Variants in KATNB1 observed in about 807,000 individuals in gnomAD.
KATNB1 encodes katanin regulatory subunit B1.
Under a neutral mutation model 82.3 loss-of-function variants are expected in KATNB1, and 38 were observed. That is an observed-to-expected ratio of 0.46 (90% CI 0.36 to 0.61). KATNB1 has a LOEUF of 0.61. Ranked by LOEUF, KATNB1 falls within the 20% of genes least tolerant of loss-of-function variation. The pLI is 0.00. For missense variants in KATNB1, 749 were observed against 915.7 expected, an observed-to-expected ratio of 0.82 and a Z score of 2.35; for synonymous variants, 361 against 368.7, an observed-to-expected ratio of 0.98 and a Z score of 0.24.
Position 57,751,352 on chromosome 16 carries a change from G to C in KATNB1, c.432+50G>C. On this transcript the variant is annotated intron_variant, in intron 6 of 19. Coordinates refer to ENST00000379661, the MANE Select transcript of KATNB1 (RefSeq NM_005886.3). This position sits in a 1 kb window ranked among gnomAD's most constrained non-coding sequence, Gnocchi z 6.3. ...TCCATGAGCACCTTGCGGGCATTGA[G>C]TGTGGTGTGGTGCCCAGACCCCAGC... 1 of 1,556,458 alleles carries C rather than the reference G, an allele frequency of 6.4e-7. No homozygotes were observed. Among genetic ancestry groups the C allele is most frequent in the East Asian group, 2.2e-5 (1 of 44,588 alleles).
At chr16:57,744,609 T>C in intron 4 of KATNB1, 98 bp downstream of exon 4, 3 of 993,676 alleles carry the variant, frequency 3.0e-6, no homozygotes. Flanking sequence ...CTGGACTACG[T>C]TGGCTGCTTT....
chr16:57,755,845 C>T lies in KATNB1; in HGVS notation c.1571C>T (p.Ser524Leu), dbSNP rs139242088. 3.6e-5 allele frequency: 57 copies of T among 1,587,080 alleles called. No homozygotes were observed. The African/African-American group carries it at 5.9e-4, about 16-fold the overall frequency. The change falls in exon 17 of 20, where the codon TCG (serine) becomes TTG (leucine). Residue 524 changes from serine to leucine, a missense_variant. By Grantham distance (145) the Ser-to-Leu change is moderately radical. Coordinates refer to ENST00000379661, the MANE Select transcript of KATNB1 (RefSeq NM_005886.3). Reference sequence around the variant, plus strand: ...GACGGTGCTCTGTTTGCACAGACGTCGGTGGACTCCGCTGTGGCCATCAAC... The same window carrying T: ...GACGGTGCTCTGTTTGCACAGACGTTGGTGGACTCCGCTGTGGCCATCAAC... ...AVWTMGDIKT[S>L]VDSAVAINDL...
Position 57,752,581 on chromosome 16 carries a change from A to C in KATNB1, c.684A>C (p.Glu228Asp). The change falls in exon 9 of 20, where the codon GAA (glutamate) becomes GAC (aspartate). Residue 228 changes from glutamate to aspartate, a missense_variant. Glu to Asp is a conservative substitution (Grantham distance 45). This residue lies in a region of KATNB1 where 247 missense variants were observed against 349.4 expected (regional missense o/e 0.71). Coordinates refer to ENST00000379661, the MANE Select transcript of KATNB1 (RefSeq NM_005886.3). The part of the protein sequence containing the change: ...LEKFQVVSCI[E>D]GEPGPVRSVL... The stretch of plus-strand genomic sequence containing the variant: ...AGTTCCAGGTGGTGAGCTGCATCGA[A>C]GGGGAGCCTGGGCCCGTCAGGTACG... 6.4e-7 allele frequency: 1 copy of C among 1,569,432 alleles called. No homozygotes were observed. Among genetic ancestry groups the C allele is most frequent in the South Asian group, 1.2e-5 (1 of 85,378 alleles).
At chr16:57,738,473 C>G (rs968668225) in intron 2 of KATNB1, among the ~76,000 whole-genome samples, 1 of 152,156 alleles carries the variant, frequency 6.6e-6, no homozygotes, top group South Asian at 2.1e-4. Flanking sequence ...CCAGACTCGT[C>G]TCGAACCCCT....
rs2049095715 is a variant in KATNB1, at chr16:57,735,844, C to G, written c.-278C>G. On this transcript the variant is annotated 5_prime_UTR_variant, in exon 1 of 20. Transcript: ENST00000379661. ...TGGAGCGGAGCCTCGGCCTCCGGAG[C>G]CGCAGCTGCAGGTGGAGTGGGCAAG... is the stretch of plus-strand genomic sequence containing the variant. The G allele has an allele frequency of 6.6e-6, 1 of 152,650 alleles. No individual in the cohort carries two copies. The highest frequency in any genetic ancestry group is 2.4e-5 in the African/African-American group (1 of 41,558). 9.5% of individuals were successfully genotyped at this position (152,650 alleles called of 1,614,324 possible). A position where few individuals can be genotyped will look rare whatever the true frequency, so the allele number is the denominator to read the frequency against.
chr16:57,744,539 A>G (rs200663481), intron 4 of KATNB1, 28 bp downstream of exon 4: 204 of 1,536,202 alleles, frequency 1.3e-4, no homozygotes, highest in Non-Finnish European at 1.8e-4. Context: ...CCTCCTGTGC[A>G]CGCACACCTG....
intron 4 of KATNB1, among the ~76,000 whole-genome samples, chr16:57,749,958 AC>A (rs1396172732): frequency 6.6e-6 from 1 of 152,038 alleles, no homozygotes; most frequent in African/African-American, 2.4e-5. Flanking sequence ...CACCAGGGCC[AC>A]CCCAGCCATG....
At chr16:57,756,588 G>A (rs1457823287) in intron 19 of KATNB1, 116 bp downstream of exon 19, 16 of 1,192,764 alleles carry the variant, frequency 1.3e-5, no homozygotes, top group East Asian at 9.4e-5. Context: ...CAGAGGAGGC[G>A]TTGGTCTGGG....
At chr16:57,750,550 C>A (rs1233824048) in intron 4 of KATNB1, among the ~76,000 whole-genome samples, 1 of 152,042 alleles carries the variant, frequency 6.6e-6, no homozygotes. Context: ...TGCTTGAACC[C>A]GGGAGGCAGA....
At chr16:57,744,632 C>T (rs2049169527) in intron 4 of KATNB1, 121 bp downstream of exon 4, 2 of 824,892 alleles carry the variant, frequency 2.4e-6, no homozygotes. Context: ...TCCTGGAGCA[C>T]TAACCCGGCA....
At chr16:57,742,132 C>T (rs569359116) in intron 3 of KATNB1, among the ~76,000 whole-genome samples, 4 of 152,348 alleles carry the variant, frequency 2.6e-5, no homozygotes, top group Non-Finnish European at 4.4e-5. Flanking sequence ...AAAATAAGCC[C>T]TGGGCCTGTG....
intron 11 of KATNB1, 59 bp downstream of exon 11, chr16:57,753,326 G>C: frequency 2.5e-6 from 4 of 1,580,308 alleles, no homozygotes; most frequent in Non-Finnish European, 2.6e-6. Flanking sequence ...GGGAAGCCTC[G>C]GAGTTCCAGC....
In KATNB1 at chr16:57,757,092, C is replaced by G. The variant is rs893086060; in HGVS notation, c.*146C>G. 3.5e-5 allele frequency: 30 copies of G among 850,304 alleles called. No homozygotes were observed. In the Admixed American group the frequency reaches 8.1e-4, roughly 23 times the overall value. The allele number at this position is 850,304 out of a possible 1,614,324, so 52.7% of individuals were successfully genotyped here. A position where few individuals can be genotyped will look rare whatever the true frequency, so the allele number is the denominator to read the frequency against. On this transcript the variant is annotated 3_prime_UTR_variant, in exon 20 of 20. Coordinates refer to ENST00000379661, the MANE Select transcript of KATNB1 (RefSeq NM_005886.3). ...CGTCCTGGAGGAGGTGATGCTGGTCCCTGGCCACCTCTACAGCCCTGAACT... is the reference window on the plus strand; with the variant it reads ...CGTCCTGGAGGAGGTGATGCTGGTCGCTGGCCACCTCTACAGCCCTGAACT...
At chr16:57,742,037 T>C (rs2049147784) in intron 3 of KATNB1, among the ~76,000 whole-genome samples, 1 of 152,218 alleles carries the variant, frequency 6.6e-6, no homozygotes, top group African/African-American at 2.4e-5. Context: ...CCAGCATGGC[T>C]GGGACAGTGG....
At chr16:57,755,292 A>G in intron 15 of KATNB1, 53 bp from the exon 16 acceptor site, 1 of 1,610,864 alleles carries the variant, frequency 6.2e-7, no homozygotes, top group Non-Finnish European at 8.5e-7. Flanking sequence ...TGGAGGGCAG[A>G]GCTTTGCTGC....
chr16:57,756,103 G>A (rs781991902), intron 18 of KATNB1, 37 bp downstream of exon 18: 4 of 1,592,736 alleles, frequency 2.5e-6, no homozygotes, highest in South Asian at 1.1e-5. Context: ...TGAAGCAGGG[G>A]GAGGGGAGAG....
At chr16:57,755,267 G>A (rs576329293) in intron 15 of KATNB1, 29 bp downstream of exon 15, 2 of 1,610,412 alleles carry the variant, frequency 1.2e-6, no homozygotes, top group South Asian at 1.1e-5. Context: ...CGAGGCATGG[G>A]TGGAGGTCTG....
At chr16:57,755,938 A>G (rs1597831951) in intron 17 of KATNB1, 21 bp downstream of exon 17, 1 of 1,602,264 alleles carries the variant, frequency 6.2e-7, no homozygotes, top group Non-Finnish European at 8.5e-7. Context: ...GCAGAGGGGG[A>G]GTGGGCGGAG....
chr16:57,755,847 G>C lies in KATNB1; in HGVS notation c.1573G>C (p.Val525Leu). 1 of 1,588,294 alleles carries C rather than the reference G, an allele frequency of 6.3e-7. No individual in the cohort carries two copies. The highest frequency in any genetic ancestry group is 1.3e-5 in the African/African-American group (1 of 74,636). The change falls in exon 17 of 20, where the codon GTG becomes CTG. Residue 525 changes from valine (V) to leucine (L), a missense_variant. This residue lies in a region of KATNB1 where 407 missense variants were observed against 434.7 expected (regional missense o/e 0.94). Transcript: ENST00000379661. ...CGGTGCTCTGTTTGCACAGACGTCG[G>C]TGGACTCCGCTGTGGCCATCAACGA... ...VWTMGDIKTSVDSAVAINDLS... is the reference protein window; with the variant it reads ...VWTMGDIKTSLDSAVAINDLS...
Sources: allele counts gnomAD v4.1 joint callset (sites outside exome capture counted in the v4.1 genomes callset), GRCh38; gene constraint gnomAD v4.1.1; regional missense constraint gnomAD v4.1.1; non-coding constraint Gnocchi (gnomAD v3.1); transcripts MANE v1.5; gene names NCBI Gene and HGNC (gene_info 2026-07-23, HGNC 2026-07-21).